NKAIN2: variants seen among roughly 807,000 people sequenced by gnomAD.
NKAIN2 encodes sodium/potassium transporting ATPase interacting 2.
Under a neutral mutation model 32.6 loss-of-function variants are expected in NKAIN2, and 14 were observed. That is an observed-to-expected ratio of 0.43 (90% CI 0.28 to 0.67). The LOEUF is 0.67. NKAIN2 is among the 30% of genes least tolerant of loss of function. The pLI is 0.17. For missense variants in NKAIN2, 198 were observed against 258.3 expected, an observed-to-expected ratio of 0.77 and a Z score of 1.60; for synonymous variants, 80 against 87.2, an observed-to-expected ratio of 0.92 and a Z score of 0.46.
intron 3 of NKAIN2, among the ~76,000 whole-genome samples, chr6:124,539,420 T>C (rs1779831360): frequency 6.6e-6 from 1 of 152,112 alleles, no homozygotes; most frequent in South Asian, 2.1e-4. Context: ...CATTCATACA[T>C]GTATGCTCTC....
At chr6:124,572,256 T>C (rs866582512) in intron 3 of NKAIN2, among the ~76,000 whole-genome samples, 3 of 152,270 alleles carry the variant, frequency 2.0e-5, no homozygotes, top group South Asian at 4.1e-4. Context: ...GTCCACCAAT[T>C]AAAATGCTAA....
At chr6:124,753,967 A>G (rs906033561) in intron 4 of NKAIN2, among the ~76,000 whole-genome samples, 1 of 152,118 alleles carries the variant, frequency 6.6e-6, no homozygotes, top group African/African-American at 2.4e-5. Flanking sequence ...AGACAATCTC[A>G]TACAAGTCCT....
At chr6:124,450,993 A>T (rs1776083897) in intron 3 of NKAIN2, among the ~76,000 whole-genome samples, 1 of 152,168 alleles carries the variant, frequency 6.6e-6, no homozygotes, top group Admixed American at 6.6e-5. Context: ...CTATGCAGTA[A>T]TGCAAAAAAT....
At chr6:123,946,169 T>G (rs1029699974) in intron 1 of NKAIN2, among the ~76,000 whole-genome samples, 2 of 152,116 alleles carry the variant, frequency 1.3e-5, no homozygotes, top group Non-Finnish European at 2.9e-5. Flanking sequence ...GGAATTCAGT[T>G]GGTGAGCAGA....
At chr6:124,740,258 A>G (rs1222554072) in intron 4 of NKAIN2, among the ~76,000 whole-genome samples, 3 of 151,640 alleles carry the variant, frequency 2.0e-5, no homozygotes, top group African/African-American at 7.3e-5. Flanking sequence ...ATAGCCACAT[A>G]ATCTTCCCCC....
chr6:123,882,149 A>G (rs1239731375), intron 1 of NKAIN2, among the ~76,000 whole-genome samples: 1 of 152,040 alleles, frequency 6.6e-6, no homozygotes, highest in Non-Finnish European at 1.5e-5. Context: ...ACTCACTTTT[A>G]TGTTGTGTTT....
At chr6:124,455,985 G>A (rs1215480349) in intron 3 of NKAIN2, among the ~76,000 whole-genome samples, 1 of 151,802 alleles carries the variant, frequency 6.6e-6, no homozygotes, top group African/African-American at 2.4e-5. Flanking sequence ...TCAGTGAAGT[G>A]CAGCATGACA....
chr6:124,131,211 C>T (rs1786460545), intron 1 of NKAIN2, among the ~76,000 whole-genome samples: 1 of 152,138 alleles, frequency 6.6e-6, no homozygotes, highest in African/African-American at 2.4e-5. Context: ...ATGACATGAT[C>T]TTGGCTCACT....
intron 3 of NKAIN2, among the ~76,000 whole-genome samples, chr6:124,476,417 G>C (rs1362833587): frequency 6.6e-6 from 1 of 150,730 alleles, no homozygotes; most frequent in Non-Finnish European, 1.5e-5. Flanking sequence ...GTGTGTGTGT[G>C]TGTGTGTGTG....
chr6:124,406,915 A>G (rs1773885685), intron 3 of NKAIN2, among the ~76,000 whole-genome samples: 1 of 151,724 alleles, frequency 6.6e-6, no homozygotes. Flanking sequence ...GCTTTGCCCA[A>G]TTTTTCTTGT....
chr6:124,157,244 A>T (rs1017445464), intron 1 of NKAIN2, among the ~76,000 whole-genome samples: 2 of 141,308 alleles, frequency 1.4e-5, no homozygotes, highest in Admixed American at 1.5e-4. Context: ...GAGGTGTGTC[A>T]TAATGGACAC....
chr6:123,962,643 T>C (rs1777898931), intron 1 of NKAIN2, among the ~76,000 whole-genome samples: 1 of 152,148 alleles, frequency 6.6e-6, no homozygotes, highest in Non-Finnish European at 1.5e-5. Context: ...ACTTTAGTCA[T>C]GAGTAGGCTG....
At position 124,710,859 on chromosome 6, in the gene NKAIN2, T is replaced by C. The variant is rs1323852507; in HGVS notation, c.474+52473T>C. On this transcript the variant is annotated intron_variant, in intron 4 of 6. Transcript: ENST00000368417. ...AAAGTTAATATTGTTATGTGTGAAT[T>C]TGATCCTGTCATTATGATGTTAGCT... 5.9e-5 allele frequency among the ~76,000 whole-genome samples: 9 copies of C among 151,360 alleles called. 1 individual carries two copies. Among genetic ancestry groups the C allele is most frequent in the African/African-American group, 2.2e-4 (9 of 41,070 alleles).
chr6:124,809,859 T>C (rs1393408991), intron 5 of NKAIN2, among the ~76,000 whole-genome samples: 4 of 152,166 alleles, frequency 2.6e-5, no homozygotes, highest in African/African-American at 9.7e-5. Flanking sequence ...AAGACATTTA[T>C]ACAACCAAAA....
chr6:123,902,846 A>C (rs530409499), intron 1 of NKAIN2, among the ~76,000 whole-genome samples: 16 of 152,346 alleles, frequency 1.1e-4, no homozygotes, highest in African/African-American at 3.6e-4. Flanking sequence ...TCTAGGCAGC[A>C]TAATGCTCTT....
At chr6:124,767,183 C>T (rs1392543268) in intron 4 of NKAIN2, among the ~76,000 whole-genome samples, 2 of 151,998 alleles carry the variant, frequency 1.3e-5, no homozygotes, top group South Asian at 2.1e-4. Context: ...CATGAGCCAC[C>T]GCGCCCGGCC....
rs1026367632 is a variant in NKAIN2, at chr6:124,804,924, G to A, written c.536-13463G>A. ...GCAGTCTGAGATCAAACTGCAAGGC[G>A]GCAGCGAGGCTGGGGGAAGGGCGCC... On this transcript the variant is annotated intron_variant, in intron 5 of 6. Coordinates refer to ENST00000368417, the MANE Select transcript of NKAIN2 (RefSeq NM_001040214.3). Among the ~76,000 whole-genome samples, 114 of 152,286 alleles carry A rather than the reference G, an allele frequency of 7.5e-4. 1 individual carries two copies. Among genetic ancestry groups the A allele is most frequent in the Admixed American group, 3.7e-3 (57 of 15,298 alleles).
At chr6:123,978,258 T>C (rs1778732187) in intron 1 of NKAIN2, among the ~76,000 whole-genome samples, 1 of 152,306 alleles carries the variant, frequency 6.6e-6, no homozygotes, top group South Asian at 2.1e-4. Context: ...CTCAGAGGAA[T>C]GCTGGACTAC....
intron 2 of NKAIN2, among the ~76,000 whole-genome samples, chr6:124,327,689 G>A (rs1420107091): frequency 6.6e-6 from 1 of 152,022 alleles, no homozygotes; most frequent in Admixed American, 6.6e-5. Flanking sequence ...AGTAATAAAT[G>A]ATAGCCATTA....
Sources: allele counts gnomAD v4.1 joint callset (sites outside exome capture counted in the v4.1 genomes callset), GRCh38; gene constraint gnomAD v4.1.1; transcripts MANE v1.5; gene names NCBI Gene and HGNC (gene_info 2026-07-23, HGNC 2026-07-21).